Variants in VAT1 observed in about 807,000 individuals in gnomAD.
VAT1 encodes the protein vesicle amine transport 1, also known as NADPH-dependent quinone oxidoreductase VAT1.
Under a neutral mutation model 33.3 loss-of-function variants are expected in VAT1, and 24 were observed. That is an observed-to-expected ratio of 0.72 (90% CI 0.52 to 1.01). VAT1 has a LOEUF of 1.01. Ranked by LOEUF, VAT1 falls within the 50% of genes least tolerant of loss-of-function variation. The probability of loss-of-function intolerance (pLI) is 0.00; values close to 1 mark genes in which losing one functional copy is unlikely to be tolerated. For missense variants in VAT1, 436 were observed against 533.7 expected, an observed-to-expected ratio of 0.82 and a Z score of 1.80; for synonymous variants, 212 against 225.0, an observed-to-expected ratio of 0.94 and a Z score of 0.52.
At chr17:43,017,728 G>A (rs2050532381) in intron 4 of VAT1, 113 bp downstream of exon 4, 4 of 874,582 alleles carry the variant, frequency 4.6e-6, no homozygotes, top group South Asian at 3.2e-5. Flanking sequence ...CGTCTACAGA[G>A]CACCTGAGTC....
intron 4 of VAT1, among the ~76,000 whole-genome samples, chr17:43,017,582 CAAAAA>C (rs55979457): frequency 7.5e-5 from 5 of 66,476 alleles, no homozygotes; most frequent in Admixed American, 3.5e-4. Flanking sequence ...AACTCCATCT[CAAAAA>C]AAAAAAAAAA....
At position 43,014,863 on chromosome 17, in the gene VAT1, C is replaced by T. The variant is rs1167429536; in HGVS notation, c.*1198G>A. 1 of 152,858 alleles carries T rather than the reference C, an allele frequency of 6.5e-6. No individual in the cohort carries two copies. Among genetic ancestry groups the T allele is most frequent in the South Asian group, 2.1e-4 (1 of 4,826 alleles). The allele number at this position is 152,858 out of a possible 1,614,324, so 9.5% of individuals were successfully genotyped here. A position where few individuals can be genotyped will look rare whatever the true frequency, so the allele number is the denominator to read the frequency against. On this transcript the variant is annotated 3_prime_UTR_variant, in exon 6 of 6. Transcript: ENST00000355653. ...TTGCAATGGCCCAGGTCCTGACCAT[C>T]CCACTCTGTACTTCCCTGCTCCATC...
Position 43,016,325 on chromosome 17 carries a change from T to C in VAT1, c.1080A>G (p.Ser360=). Residue 360 remains serine, a synonymous_variant, in exon 5 of 6, where the codon TCA becomes TCG. Transcript: ENST00000355653. ...CATTCACCTTCTCGAAGGGCCAGAC[T>C]GAGTCAATGTGGGGCTTGATGTGGC... The part of the protein sequence containing the change: ...NQGHIKPHID[S]VWPFEKVADA... 6.2e-7 allele frequency: 1 copy of C among 1,609,794 alleles called. No homozygotes were observed.
At chr17:43,020,158 C>T in intron 1 of VAT1, 2 of 985,426 alleles carry the variant, frequency 2.0e-6, no homozygotes, top group Non-Finnish European at 2.4e-6. Context: ...CTCATGCTAA[C>T]CCTCAGGCCA....
chr17:43,016,264 A>T, intron 5 of VAT1, 43 bp downstream of exon 5: 1 of 1,606,972 alleles, frequency 6.2e-7, no homozygotes, highest in African/African-American at 1.3e-5. Flanking sequence ...CCCAGCCTTC[A>T]TGAGTCCTAC....
intron 1 of VAT1, among the ~76,000 whole-genome samples, chr17:43,020,847 C>T (rs1247935258): frequency 1.4e-5 from 2 of 145,154 alleles, no homozygotes; most frequent in Non-Finnish European, 3.0e-5. Flanking sequence ...TGCACTCCAG[C>T]CTGGGCAACA....
Position 43,018,737 on chromosome 17 carries a change from G to A in VAT1, c.450C>T (p.Pro150=), listed in dbSNP as rs1597784177. 6.2e-7 allele frequency: 1 copy of A among 1,613,874 alleles called. No individual in the cohort carries two copies. Among genetic ancestry groups the A allele is most frequent in the African/African-American group, 1.3e-5 (1 of 74,890 alleles). ...SGMWQEEVTV[P]SVQTFLIPEA... ...CAGGAATCAGGAAGGTCTGGACCGA[G>A]GGCACAGTCACCTCTTCCTGCCACA... Residue 150 remains proline, a synonymous_variant, in exon 2 of 6, where the codon CCC becomes CCT. Transcript: ENST00000355653.
chr17:43,019,878 G>A (rs184898710), intron 1 of VAT1, among the ~76,000 whole-genome samples: 60 of 152,216 alleles, frequency 3.9e-4, no homozygotes, highest in African/African-American at 1.3e-3. Context: ...AGGGTCCATG[G>A]GGAAGGGGGA....
chr17:43,020,396 G>C (rs1427492615), intron 1 of VAT1: 3 of 595,550 alleles, frequency 5.0e-6, no homozygotes, highest in Non-Finnish European at 4.2e-6. Flanking sequence ...CCTCTTAGAC[G>C]CCTGCTCAAG....
chr17:43,015,962 G>A lies in VAT1; in HGVS notation c.*99C>T. Reference sequence around the variant, plus strand: ...AGACCTTCGGGGGAGGGAGGGCAGAGCATTATGACAGAGGCTGAAATGCAA... The same window carrying A: ...AGACCTTCGGGGGAGGGAGGGCAGAACATTATGACAGAGGCTGAAATGCAA... On this transcript the variant is annotated 3_prime_UTR_variant, in exon 6 of 6. Transcript: ENST00000355653. 1 of 1,348,900 alleles carries A rather than the reference G, an allele frequency of 7.4e-7. No homozygotes were observed. Among genetic ancestry groups the A allele is most frequent in the Admixed American group, 1.8e-5 (1 of 56,804 alleles). The allele number at this position is 1,348,900 out of a possible 1,614,324, so 83.6% of individuals were successfully genotyped here. A position where few individuals can be genotyped will look rare whatever the true frequency, so the allele number is the denominator to read the frequency against.
chr17:43,020,839 C>A (rs2050560262), intron 1 of VAT1, among the ~76,000 whole-genome samples: 1 of 143,852 alleles, frequency 7.0e-6, no homozygotes. Flanking sequence ...CGCGCCATTG[C>A]ACTCCAGCCT....
Position 43,016,438 on chromosome 17 carries a change from C to T in VAT1, c.967G>A (p.Val323Met), listed in dbSNP as rs769858932. The change falls in exon 5 of 6, where the codon GTG (valine) becomes ATG (methionine). Residue 323 changes from valine to methionine, a missense_variant. Physicochemically the swap from Val to Met is conservative, Grantham distance 21. Transcript: ENST00000355653. ...AGGTAGCCCAGGTGGAAGCCACACACAGCCCGGTTGGCCTGCAGCAGCTGC... is the reference window on the plus strand; with the variant it reads ...AGGTAGCCCAGGTGGAAGCCACACATAGCCCGGTTGGCCTGCAGCAGCTGC... ...ALQLLQANRA[V>M]CGFHLGYLDG... 14 of 1,614,110 alleles carry T rather than the reference C, an allele frequency of 8.7e-6. No homozygotes were observed. The South Asian group carries it at 1.1e-4, about 13-fold the overall frequency.
At position 43,015,568 on chromosome 17, in the gene VAT1, G is replaced by A. The variant is rs534271500; in HGVS notation, c.*493C>T. ...GAGGACGAGATTGGGAACTGGTCAAGCCCAGAGGCGGGCACTGGTCAGCCC... is the reference window on the plus strand; with the variant it reads ...GAGGACGAGATTGGGAACTGGTCAAACCCAGAGGCGGGCACTGGTCAGCCC... On this transcript the variant is annotated 3_prime_UTR_variant, in exon 6 of 6. Coordinates refer to ENST00000355653, the MANE Select transcript of VAT1 (RefSeq NM_006373.4). The A allele has an allele frequency of 7.2e-5, 12 of 166,456 alleles. No individual in the cohort carries two copies. The East Asian group carries it at 1.1e-3, about 15-fold the overall frequency. 10.3% of individuals were successfully genotyped at this position (166,456 alleles called of 1,614,324 possible).
intron 1 of VAT1, among the ~76,000 whole-genome samples, chr17:43,020,647 G>A (rs2050558618): frequency 6.6e-6 from 1 of 152,098 alleles, no homozygotes. Context: ...GGAGGCCGAG[G>A]TGGGCAGATC....
At chr17:43,021,482 C>G (rs2050566684) in intron 1 of VAT1, among the ~76,000 whole-genome samples, 1 of 152,136 alleles carries the variant, frequency 6.6e-6, no homozygotes, top group Admixed American at 6.5e-5. Flanking sequence ...GTGCCCCCGC[C>G]CAACCCCGAC....
At chr17:43,020,210 G>A (rs2050555077) in intron 1 of VAT1, 3 of 984,292 alleles carry the variant, frequency 3.0e-6, no homozygotes, top group Non-Finnish European at 3.6e-6. Context: ...CAGACACCAG[G>A]AAGGAGGAGG....
At chr17:43,019,193 C>T (rs991577412) in intron 1 of VAT1, among the ~76,000 whole-genome samples, 5 of 152,106 alleles carry the variant, frequency 3.3e-5, no homozygotes, top group African/African-American at 9.7e-5. Context: ...GTTACAAAAG[C>T]GGTCTCAACT....
chr17:43,018,352 G>A, intron 2 of VAT1, 146 bp from the exon 3 acceptor site: 2 of 1,091,988 alleles, frequency 1.8e-6, no homozygotes, highest in Non-Finnish European at 2.6e-6. Context: ...ACTGAGAAGT[G>A]GTGGGGAAGG....
At position 43,015,968 on chromosome 17, in the gene VAT1, T is replaced by C. The variant is rs920444312; in HGVS notation, c.*93A>G. On this transcript the variant is annotated 3_prime_UTR_variant, in exon 6 of 6. Transcript: ENST00000355653. ...TCGGGGGAGGGAGGGCAGAGCATTA[T>C]GACAGAGGCTGAAATGCAAGTCTGG... 7.1e-6 allele frequency: 10 copies of C among 1,415,232 alleles called. No individual in the cohort carries two copies. In the Middle Eastern group the frequency reaches 7.2e-4, roughly 102 times the overall value. 87.7% of individuals were successfully genotyped at this position (1,415,232 alleles called of 1,614,324 possible). A position where few individuals can be genotyped will look rare whatever the true frequency, so the allele number is the denominator to read the frequency against.
Sources: gnomAD v4.1 joint callset for allele counts (sites outside exome capture counted in the v4.1 genomes callset) on GRCh38, gnomAD v4.1.1 for gene constraint, MANE v1.5 for transcripts, NCBI Gene and HGNC (gene_info 2026-07-23, HGNC 2026-07-21) for gene names.